The following ANKRD12 variants were observed in gnomAD, a reference collection of about 807,000 sequenced individuals.
ANKRD12 encodes ankyrin repeat domain 12.
ANKRD12 carries 85 observed loss-of-function variants against 183.4 expected under a neutral mutation model. The observed-to-expected ratio is 0.46, with a 90% CI of 0.39 to 0.56. The LOEUF is 0.56. Ranked by LOEUF, ANKRD12 falls within the 20% of genes least tolerant of loss-of-function variation. ANKRD12 has a pLI of 0.00. For missense variants in ANKRD12, 2,405 were observed against 2,357.1 expected (o/e 1.02, Z -0.42); for synonymous variants, 914 against 800.2 (o/e 1.14, Z -2.40).
chr18:9,164,719 G>C (rs368413473), intron 1 of ANKRD12, among the ~76,000 whole-genome samples: 4 of 152,064 alleles, frequency 2.6e-5, no homozygotes, highest in Non-Finnish European at 5.9e-5. Context: ...GAATTTCTTC[G>C]TCTTGAGTTC....
At chr18:9,230,433 A>AT (rs1224083061) in intron 8 of ANKRD12, among the ~76,000 whole-genome samples, 2 of 151,336 alleles carry the variant, frequency 1.3e-5, no homozygotes, top group Admixed American at 1.3e-4. Context: ...GATCCTTTGC[A>AT]TTTTTTTAAG....
chr18:9,165,801 G>A (rs2031983953), intron 1 of ANKRD12, among the ~76,000 whole-genome samples: 1 of 150,888 alleles, frequency 6.6e-6, no homozygotes. Flanking sequence ...CATGTGCCAT[G>A]TTGGTGTGCT....
chr18:9,264,858 G>A (rs540573719), intron 10 of ANKRD12, among the ~76,000 whole-genome samples: 18 of 152,244 alleles, frequency 1.2e-4, no homozygotes, highest in Admixed American at 3.3e-4. Flanking sequence ...GAATTCTTGA[G>A]GGGTGGAGCC....
At chr18:9,228,702 A>G (rs773869466) in intron 8 of ANKRD12, among the ~76,000 whole-genome samples, 5 of 152,016 alleles carry the variant, frequency 3.3e-5, no homozygotes, top group Non-Finnish European at 5.9e-5. Flanking sequence ...TTTCTTGTAT[A>G]TTCTGGATAT....
intron 1 of ANKRD12, among the ~76,000 whole-genome samples, chr18:9,162,519 A>G (rs946012018): frequency 1.3e-5 from 2 of 152,140 alleles, no homozygotes; most frequent in East Asian, 1.9e-4. Context: ...ATACACATGC[A>G]TGTATCTTTG....
intron 2 of ANKRD12, among the ~76,000 whole-genome samples, chr18:9,182,766 G>T (rs2033789544): frequency 6.6e-6 from 1 of 152,010 alleles, no homozygotes. Flanking sequence ...TATTGAGAGA[G>T]GGAAAAATTT....
intron 2 of ANKRD12, among the ~76,000 whole-genome samples, chr18:9,188,456 G>A (rs1475236372): frequency 2.6e-5 from 4 of 152,156 alleles, no homozygotes; most frequent in Admixed American, 1.3e-4. Context: ...GTGTCTGCTC[G>A]CAACATGTGC....
In ANKRD12 at chr18:9,275,665, CAGGT is replaced by C; in HGVS notation, c.5907_5907+3del. ...AGTATACAATGTACCATTGGACTCT[CAGGT>C]AAAATGTTTGTTGATACATTTAGAA... is the stretch of plus-strand genomic sequence containing the variant. On this transcript the variant is annotated splice_donor_variant and coding_sequence_variant, in exon 11 of 13. Transcript: ENST00000262126. LOFTEE classifies it high-confidence loss of function. 6.4e-7 allele frequency: 1 copy of C among 1,557,258 alleles called. No individual in the cohort carries two copies. The highest frequency in any genetic ancestry group is 8.8e-7 in the Non-Finnish European group (1 of 1,142,258).
chr18:9,279,086 GAATTTCTTCATGAGA>G (rs2039988534), intron 11 of ANKRD12, among the ~76,000 whole-genome samples: 3 of 262 alleles, frequency 0.011, no homozygotes, highest in Non-Finnish European at 0.018. Flanking sequence ...TGTTGATAAA[GAATTTCTTCATGAGA>G]AAGAATTTCT....
chr18:9,202,363 A>G (rs1268853955), intron 3 of ANKRD12, among the ~76,000 whole-genome samples: 4 of 152,172 alleles, frequency 2.6e-5, no homozygotes, highest in Non-Finnish European at 5.9e-5. Flanking sequence ...AACAAAACAG[A>G]TAGATATAAT....
chr18:9,251,659 T>C (rs1220596912), intron 8 of ANKRD12, among the ~76,000 whole-genome samples: 1 of 152,198 alleles, frequency 6.6e-6, no homozygotes, highest in Admixed American at 6.5e-5. Flanking sequence ...ACATGCGTGG[T>C]GGCAGGCGCC....
chr18:9,267,078 A>T (rs1299402926), intron 10 of ANKRD12, among the ~76,000 whole-genome samples: 1 of 152,200 alleles, frequency 6.6e-6, no homozygotes, highest in East Asian at 1.9e-4. Flanking sequence ...TATCCTAAAT[A>T]TATATGCACC....
chr18:9,262,292 T>C (rs956903737), intron 9 of ANKRD12, among the ~76,000 whole-genome samples: 4 of 152,220 alleles, frequency 2.6e-5, no homozygotes, highest in African/African-American at 7.2e-5. Context: ...AGAAGTGTTA[T>C]AACTTGCCAA....
chr18:9,260,970 C>T (rs1230102579), intron 9 of ANKRD12, among the ~76,000 whole-genome samples: 1 of 152,162 alleles, frequency 6.6e-6, no homozygotes, highest in Non-Finnish European at 1.5e-5. Context: ...TTCCTGTTCC[C>T]TCCTGTGGTC....
At chr18:9,149,437 A>G (rs1024156022) in intron 1 of ANKRD12, among the ~76,000 whole-genome samples, 1 of 152,202 alleles carries the variant, frequency 6.6e-6, no homozygotes, top group African/African-American at 2.4e-5. Flanking sequence ...CATGATATCT[A>G]TATTAAGGAA....
At chr18:9,265,777 C>T (rs966905995) in intron 10 of ANKRD12, among the ~76,000 whole-genome samples, 2 of 152,132 alleles carry the variant, frequency 1.3e-5, no homozygotes, top group African/African-American at 4.8e-5. Flanking sequence ...CGGATAATGA[C>T]TTTTACGAGT....
intron 1 of ANKRD12, among the ~76,000 whole-genome samples, chr18:9,151,272 A>G (rs898633934): frequency 7.2e-5 from 11 of 152,152 alleles, no homozygotes; most frequent in African/African-American, 2.7e-4. Context: ...GTTCGGTTTA[A>G]GTAGGAATTA....
At position 9,275,565 on chromosome 18, in the gene ANKRD12, T is replaced by G. The variant is rs17499116; in HGVS notation, c.5805T>G (p.Val1935=). The change falls in exon 11 of 13, where the codon GTT becomes GTG. Residue 1935 remains valine, a synonymous_variant. Transcript: ENST00000262126. ...CCAACGAACAAGAAGTTTTGCGAGT[T>G]CATTACAGAGCTGCAAGAACATTGG... ...IVSNEQEVLR[V]HYRAARTLAN... 120,775 of 1,605,624 alleles carry G rather than the reference T, an allele frequency of 0.075. 5,070 individuals carry two copies. The highest frequency in any genetic ancestry group is 0.082 in the Non-Finnish European group (96,159 of 1,172,548).
intron 4 of ANKRD12, among the ~76,000 whole-genome samples, chr18:9,205,055 A>G (rs1029439837): frequency 2.6e-5 from 4 of 152,204 alleles, no homozygotes; most frequent in Non-Finnish European, 5.9e-5. Flanking sequence ...AAATTTAACT[A>G]TAACTGAATT....
Sources: gnomAD v4.1 joint callset for allele counts (sites outside exome capture counted in the v4.1 genomes callset) on GRCh38, gnomAD v4.1.1 for gene constraint, MANE v1.5 for transcripts, NCBI Gene and HGNC (gene_info 2026-07-23, HGNC 2026-07-21) for gene names.